Variants in MAP3K2 observed in about 807,000 individuals in gnomAD.
MAP3K2 encodes the protein mitogen-activated protein kinase kinase kinase 2.
A neutral mutation model predicts 80.3 loss-of-function variants in MAP3K2; 24 were observed. The observed-to-expected ratio is 0.30, with a 90% confidence interval of 0.22 to 0.42. The LOEUF (loss-of-function observed/expected upper bound fraction) is 0.42. Among genes scored for constraint, MAP3K2 ranks in the 10% least tolerant of loss-of-function variants. MAP3K2 has a pLI of 1.00. For synonymous variants in MAP3K2, 244 were observed against 253.7 expected, an observed-to-expected ratio of 0.96 and a Z score of 0.36; for missense variants, 608 against 750.1, an observed-to-expected ratio of 0.81 and a Z score of 2.21.
intron 13 of MAP3K2, 121 bp downstream of exon 13, chr2:127,318,048 C>T (rs1444799791): frequency 1.9e-5 from 11 of 578,714 alleles, no homozygotes; most frequent in South Asian, 5.2e-5. Flanking sequence ...AAGAAAACTG[C>T]TTTTTTTTTT....
chr2:127,328,048 G>T (rs1267815395), intron 7 of MAP3K2, among the ~76,000 whole-genome samples: 1 of 152,238 alleles, frequency 6.6e-6, no homozygotes, highest in African/African-American at 2.4e-5. Flanking sequence ...GCCAAGGTGG[G>T]TGGATCACAT....
At chr2:127,341,142 A>G (rs1686476346) in intron 2 of MAP3K2, among the ~76,000 whole-genome samples, 1 of 151,594 alleles carries the variant, frequency 6.6e-6, no homozygotes, top group Admixed American at 6.6e-5. Context: ...GGCACCCCCC[A>G]CCACGCCTGG....
chr2:127,325,897 T>C (rs752282377), intron 8 of MAP3K2, 90 bp from the exon 9 acceptor site: 17 of 817,518 alleles, frequency 2.1e-5, no homozygotes, highest in African/African-American at 3.4e-5. Flanking sequence ...ACATACTTCA[T>C]GTAACATAAA....
At chr2:127,371,485 C>T (rs1004281528) in intron 1 of MAP3K2, among the ~76,000 whole-genome samples, 4 of 152,152 alleles carry the variant, frequency 2.6e-5, no homozygotes, top group African/African-American at 7.2e-5. Flanking sequence ...ATTTATCAAT[C>T]GTTTAACCCA....
rs982892256 is a variant in MAP3K2 at position 127,387,776 on chromosome 2, G to C, written c.-390C>G. ...ACTGGGCAGGAAAGGAGGAAGCCGCGGGCCCGCGTCGCTAGAGACCGGAGA... is the reference window on the plus strand; with the variant it reads ...ACTGGGCAGGAAAGGAGGAAGCCGCCGGCCCGCGTCGCTAGAGACCGGAGA... On this transcript the variant is annotated 5_prime_UTR_variant, in exon 1 of 17. Transcript: ENST00000682094. 1 of 985,182 alleles carries C rather than the reference G, an allele frequency of 1.0e-6. No individual in the cohort carries two copies. The highest frequency in any genetic ancestry group is 1.2e-6 in the Non-Finnish European group (1 of 829,800). 61.0% of individuals were successfully genotyped at this position (985,182 alleles called of 1,614,324 possible). A position where few individuals can be genotyped will look rare whatever the true frequency, so the allele number is the denominator to read the frequency against.
At chr2:127,341,530 G>GTTTT (rs1341901292) in intron 2 of MAP3K2, among the ~76,000 whole-genome samples, 261 of 91,120 alleles carry the variant, frequency 2.9e-3, no homozygotes, top group Non-Finnish European at 3.5e-3. Context: ...TTTTTTTGTT[G>GTTTT]TTTTTTTTTT....
intron 1 of MAP3K2, among the ~76,000 whole-genome samples, chr2:127,343,562 T>G (rs1686540031): frequency 6.6e-6 from 1 of 152,130 alleles, no homozygotes; most frequent in Non-Finnish European, 1.5e-5. Flanking sequence ...ACATTAACTC[T>G]TTTTCTATAT....
intron 1 of MAP3K2, among the ~76,000 whole-genome samples, chr2:127,357,168 T>C (rs1409660796): frequency 6.6e-6 from 1 of 152,186 alleles, no homozygotes; most frequent in East Asian, 1.9e-4. Context: ...GACCTATAAA[T>C]TGAACAAAAT....
Position 127,307,748 on chromosome 2 carries a change from A to C in MAP3K2, c.1691T>G (p.Phe564Cys), listed in dbSNP as rs1480271538. The C allele has an allele frequency of 6.3e-7, 1 of 1,598,010 alleles. No individual in the cohort carries two copies. The highest frequency in any genetic ancestry group is 8.5e-7 in the Non-Finnish European group (1 of 1,171,666). The change falls in exon 17 of 17, where the codon TTT (phenylalanine) becomes TGT (cysteine). Residue 564 changes from phenylalanine (F) to cysteine (C), a missense_variant. Coordinates refer to ENST00000682094, the MANE Select transcript of MAP3K2 (RefSeq NM_001371910.2). This position sits in a 1 kb window ranked among gnomAD's most constrained non-coding sequence, Gnocchi z 5.4. ...TTTAAAGATGGCAGCCATTGCTTCA[A>C]ATTCAGCCCAAGGCGGCTTTTCAGT... ...MLTEKPPWAE[F>C]EAMAAIFKIA...
In MAP3K2 at chr2:127,317,645, A is replaced by G. The variant is rs1356762952; in HGVS notation, c.1310T>C (p.Met437Thr). Residue 437 changes from methionine to threonine, a missense_variant, in exon 14 of 17, where the codon ATG (methionine) becomes ACG (threonine). By Grantham distance (81) the Met-to-Thr change is moderately conservative. Transcript: ENST00000682094. Reference protein sequence around the residue: ...DPQEKTLSIFMEYMPGGSIKD... With the variant: ...DPQEKTLSIFTEYMPGGSIKD... The stretch of plus-strand genomic sequence containing the variant: ...CTAACTTACCCCTGGCATATATTCC[A>G]TAAATATGGAAAGTGTTTTTTCCTG... The G allele has an allele frequency of 2.5e-6, 4 of 1,576,130 alleles. No individual in the cohort carries two copies. The highest frequency in any genetic ancestry group is 3.7e-5 in the Admixed American group (2 of 54,550).
chr2:127,359,627 C>T (rs1218475697), intron 1 of MAP3K2, among the ~76,000 whole-genome samples: 1 of 152,136 alleles, frequency 6.6e-6, no homozygotes, highest in Admixed American at 6.5e-5. Flanking sequence ...AATGTAAGCC[C>T]CAATGCTGCA....
At chr2:127,335,652 T>C (rs1411865006) in intron 5 of MAP3K2, among the ~76,000 whole-genome samples, 1 of 152,210 alleles carries the variant, frequency 6.6e-6, no homozygotes, top group Admixed American at 6.5e-5. Flanking sequence ...TCCCCTATAA[T>C]ACACCCTCAT....
intron 1 of MAP3K2, among the ~76,000 whole-genome samples, chr2:127,359,488 T>C (rs1318380516): frequency 6.6e-6 from 1 of 152,232 alleles, no homozygotes; most frequent in African/African-American, 2.4e-5. Context: ...TAAAACATCA[T>C]ACATTGCATT....
At chr2:127,362,496 G>A (rs1334370594) in intron 1 of MAP3K2, among the ~76,000 whole-genome samples, 1 of 152,096 alleles carries the variant, frequency 6.6e-6, no homozygotes, top group Non-Finnish European at 1.5e-5. Flanking sequence ...GTTTACAAAT[G>A]TTTACAAATC....
intron 1 of MAP3K2, among the ~76,000 whole-genome samples, chr2:127,353,616 G>T (rs1241486128): frequency 2.7e-5 from 4 of 147,818 alleles, no homozygotes; most frequent in African/African-American, 7.9e-5. Flanking sequence ...CGGGAGGGAG[G>T]TGGGGGGGGT....
rs1187388776 is a variant in MAP3K2 at position 127,364,329 on chromosome 2, T to C, written c.-65-21135A>G. Among the ~76,000 whole-genome samples the C allele has an allele frequency of 6.6e-6, 1 of 152,258 alleles. No individual in the cohort carries two copies. Among genetic ancestry groups the C allele is most frequent in the South Asian group, 2.1e-4 (1 of 4,834 alleles). On this transcript the variant is annotated intron_variant, in intron 1 of 16. Transcript: ENST00000682094. The surrounding 1 kb of genome is among the most constrained non-coding windows in gnomAD (Gnocchi z 4.1). ...GTAGGAGTCAATAGGTTCTGAGTTA[T>C]ACTACGAAGTGTTCCATATGCCTTA...
chr2:127,307,412 ATATTAT>A lies in MAP3K2; in HGVS notation c.*161_*166del, dbSNP rs892010212. 2.4e-6 allele frequency: 1 copy of A among 423,510 alleles called. No homozygotes were observed. Among genetic ancestry groups the A allele is most frequent in the South Asian group, 7.1e-5 (1 of 14,128 alleles). 26.2% of individuals were successfully genotyped at this position (423,510 alleles called of 1,614,324 possible). ...AAAGATTAAATATAAAAAATTTAGG[ATATTAT>A]TATTATTAAACAAATTTAACCAAGA... On this transcript the variant is annotated 3_prime_UTR_variant, in exon 17 of 17. Transcript: ENST00000682094. The surrounding 1 kb of genome is among the most constrained non-coding windows in gnomAD (Gnocchi z 5.4).
chr2:127,369,051 G>T (rs1047856135), intron 1 of MAP3K2, among the ~76,000 whole-genome samples: 1 of 151,804 alleles, frequency 6.6e-6, no homozygotes, highest in Admixed American at 6.6e-5. Flanking sequence ...TGGTTCATGC[G>T]ATTCCCCTGC....
At chr2:127,372,297 T>C (rs576018016) in intron 1 of MAP3K2, among the ~76,000 whole-genome samples, 1 of 152,092 alleles carries the variant, frequency 6.6e-6, no homozygotes, top group African/African-American at 2.4e-5. Context: ...CCATACTGGG[T>C]CCCCAATGCC....
Sources: allele counts gnomAD v4.1 joint callset (sites outside exome capture counted in the v4.1 genomes callset), GRCh38; gene constraint gnomAD v4.1.1; non-coding constraint Gnocchi (gnomAD v3.1); transcripts MANE v1.5; gene names NCBI Gene and HGNC (gene_info 2026-07-23, HGNC 2026-07-21).